Variants in ORC1 observed in about 807,000 individuals in gnomAD.
The protein encoded by ORC1 is origin recognition complex, subunit 1 homolog.
ORC1 carries 61 observed loss-of-function variants against 98.9 expected under a neutral mutation model. That is an observed-to-expected ratio of 0.62 (90% confidence interval 0.50 to 0.76). ORC1 has a LOEUF of 0.76. Among genes scored for constraint, ORC1 ranks in the 30% least tolerant of loss-of-function variants. The pLI is 0.00. For missense variants in ORC1, 979 were observed against 1,072.2 expected, an observed-to-expected ratio of 0.91 and a Z score of 1.21; for synonymous variants, 385 against 406.9, an observed-to-expected ratio of 0.95 and a Z score of 0.65.
chr1:52,385,060 G>A, intron 10 of ORC1, 101 bp downstream of exon 10: 1 of 833,830 alleles, frequency 1.2e-6, no homozygotes, highest in Non-Finnish European at 2.1e-6. Context: ...CTAGTCTGCT[G>A]ATACTGGAGA....
chr1:52,384,477 T>C, intron 11 of ORC1, 73 bp downstream of exon 11: 1 of 1,378,856 alleles, frequency 7.3e-7, no homozygotes, highest in Non-Finnish European at 1.0e-6. Flanking sequence ...CACGCAAAAT[T>C]AAGTAACTCT....
intron 14 of ORC1, among the ~76,000 whole-genome samples, chr1:52,377,885 T>C (rs1206944852): frequency 6.6e-6 from 1 of 152,078 alleles, no homozygotes; most frequent in Non-Finnish European, 1.5e-5. Flanking sequence ...TCAATGGTTA[T>C]CAGAATCAGA....
intron 6 of ORC1, among the ~76,000 whole-genome samples, chr1:52,392,437 A>G (rs1470058753): frequency 1.3e-5 from 2 of 152,138 alleles, no homozygotes; most frequent in African/African-American, 4.8e-5. Context: ...CAGAAAAGGG[A>G]ACACTTCTAC....
intron 3 of ORC1, among the ~76,000 whole-genome samples, chr1:52,398,555 T>G (rs1386897275): frequency 7.3e-6 from 1 of 136,092 alleles, no homozygotes; most frequent in Admixed American, 7.5e-5. Context: ...TGAGCCACCA[T>G]GCCTGGCCCA....
At chr1:52,383,668 CAA>C in intron 12 of ORC1, 99 bp from the exon 13 acceptor site, 1 of 1,412,454 alleles carries the variant, frequency 7.1e-7, no homozygotes, top group South Asian at 1.2e-5. Flanking sequence ...GCATGTTTCC[CAA>C]GTCATAGCAC....
At chr1:52,407,583 C>A (rs1253933900), upstream of ORC1, among the ~76,000 whole-genome samples, 1 of 152,170 alleles carries the variant, frequency 6.6e-6, no homozygotes, top group Admixed American at 6.5e-5. Context: ...TTTATGTGTA[C>A]TTGTTCTTGT....
intron 6 of ORC1, among the ~76,000 whole-genome samples, chr1:52,390,622 C>A (rs1212350327): frequency 6.6e-6 from 1 of 151,984 alleles, no homozygotes; most frequent in Non-Finnish European, 1.5e-5. Flanking sequence ...CATGGTGAAA[C>A]CCTGTCTCTA....
chr1:52,402,564 A>T lies in ORC1; in HGVS notation c.-5-336T>A, dbSNP rs563154901. ...AACAATAGGTGTAAAACATCTAACAAAGTGAAATTAAAAGACAGTGATACA... is the reference window on the plus strand; with the variant it reads ...AACAATAGGTGTAAAACATCTAACATAGTGAAATTAAAAGACAGTGATACA... On this transcript the variant is annotated intron_variant, in intron 1 of 16. Transcript: ENST00000371568. Among the ~76,000 whole-genome samples, 9 of 152,332 alleles carry T rather than the reference A, an allele frequency of 5.9e-5. No homozygotes were observed. The East Asian group carries it at 1.2e-3, about 20-fold the overall frequency.
rs780813183 is a variant in ORC1, at chr1:52,389,236, G to A, written c.1168C>T (p.Arg390Trp). The change falls in exon 7 of 17, where the codon CGG (arginine) becomes TGG (tryptophan). Residue 390 changes from arginine to tryptophan, a missense_variant. Arg to Trp is a moderately radical substitution (Grantham distance 101, BLOSUM62 -3). Transcript: ENST00000371568. ...RRKSSVLTMN[R>W]IRQQLRFLGN... Reference sequence around the variant, plus strand: ...TCTTACCGAAGCTGCTGCCTAATCCGATTCATAGTCAAGACAGAACTCTTT... The same window carrying A: ...TCTTACCGAAGCTGCTGCCTAATCCAATTCATAGTCAAGACAGAACTCTTT... The A allele has an allele frequency of 7.4e-6, 12 of 1,613,910 alleles. No homozygotes were observed. Among genetic ancestry groups the A allele is most frequent in the South Asian group, 5.5e-5 (5 of 91,074 alleles).
At chr1:52,383,075 CT>C (rs879599440) in intron 13 of ORC1, among the ~76,000 whole-genome samples, 90 of 144,604 alleles carry the variant, frequency 6.2e-4, no homozygotes, top group Non-Finnish European at 6.3e-4. Flanking sequence ...TTTTGCAGAA[CT>C]TTTTTTTTTT....
chr1:52,404,758 C>T (rs1274765624), upstream of ORC1: 10 of 1,613,416 alleles, frequency 6.2e-6, no homozygotes, highest in Middle Eastern at 1.7e-4. Context: ...AAATGGCTAA[C>T]CGTACAGTGA....
At chr1:52,379,574 GT>G (rs1044651542) in intron 14 of ORC1, among the ~76,000 whole-genome samples, 3 of 152,082 alleles carry the variant, frequency 2.0e-5, no homozygotes, top group African/African-American at 7.2e-5. Flanking sequence ...GTGGTTGAAA[GT>G]TAAAAAAAGT....
chr1:52,389,306 T>C lies in ORC1; in HGVS notation c.1098A>G (p.Ala366=), dbSNP rs1371790035. 1.2e-6 allele frequency: 2 copies of C among 1,614,006 alleles called. No homozygotes were observed. Among genetic ancestry groups the C allele is most frequent in the African/African-American group, 2.7e-5 (2 of 74,922 alleles). Residue 366 remains alanine, a synonymous_variant, in exon 7 of 17, where the codon GCA becomes GCG. Transcript: ENST00000371568. ...ENIKKRDAKE[A]KAQNEATSTP... The stretch of plus-strand genomic sequence containing the variant: ...TAGAGGTCGCTTCATTCTGGGCTTT[T>C]GCTTCTTTTGCATCCCTGCAAGAAA...
chr1:52,397,647 A>T (rs769881368), intron 4 of ORC1, 38 bp downstream of exon 4: 1 of 1,600,992 alleles, frequency 6.2e-7, no homozygotes, highest in Non-Finnish European at 8.6e-7. Context: ...GACAGAAATA[A>T]GCTTCAAGGT....
chr1:52,392,266 A>G (rs1647229694), intron 6 of ORC1, among the ~76,000 whole-genome samples: 1 of 151,914 alleles, frequency 6.6e-6, no homozygotes, highest in African/African-American at 2.4e-5. Flanking sequence ...AGTAGCTGGG[A>G]CCACAGGCGC....
chr1:52,375,171 T>C (rs986207399), intron 15 of ORC1, among the ~76,000 whole-genome samples: 6 of 150,174 alleles, frequency 4.0e-5, no homozygotes. Context: ...AGCACATCAA[T>C]CAGTGTGAGA....
chr1:52,408,882 C>T (rs140393085), upstream of ORC1: 164 of 550,760 alleles, frequency 3.0e-4, no homozygotes, highest in African/African-American at 2.9e-3. Context: ...TTGGCCTTAC[C>T]CAGCCTGCCT....
chr1:52,409,258 A>T (rs369399766), upstream of ORC1, among the ~76,000 whole-genome samples: 5 of 152,236 alleles, frequency 3.3e-5, no homozygotes, highest in East Asian at 5.8e-4. Flanking sequence ...ACTTGGTGTC[A>T]TAACAGAAGA....
intron 13 of ORC1, 96 bp from the exon 14 acceptor site, chr1:52,381,857 G>A: frequency 8.0e-7 from 1 of 1,254,924 alleles, no homozygotes; most frequent in Non-Finnish European, 1.2e-6. Flanking sequence ...CAATTCCCAG[G>A]TCCCATATAA....
Sources: allele counts gnomAD v4.1 joint callset (sites outside exome capture counted in the v4.1 genomes callset), GRCh38; gene constraint gnomAD v4.1.1; transcripts MANE v1.5; gene names NCBI Gene and HGNC (gene_info 2026-07-23, HGNC 2026-07-21).